NUP58: variants seen among roughly 807,000 people sequenced by gnomAD.
NUP58 encodes nucleoporin p58/p45.
NUP58 carries 17 observed loss-of-function variants against 70.1 expected under a neutral mutation model. The ratio of observed to expected loss-of-function variants is 0.24; its 90% CI spans 0.17 to 0.36. The LOEUF is 0.36. Among genes scored for constraint, NUP58 ranks in the 10% least tolerant of loss-of-function variants. The pLI, the probability that NUP58 is intolerant of heterozygous loss-of-function variation, is 1.00. For synonymous variants in NUP58, 275 were observed against 257.6 expected (o/e 1.07, Z -0.65); for missense variants, 644 against 701.5 (o/e 0.92, Z 0.93).
intron 1 of NUP58, among the ~76,000 whole-genome samples, chr13:25,305,479 G>A (rs2030301695): frequency 6.6e-6 from 1 of 152,042 alleles, no homozygotes; most frequent in Non-Finnish European, 1.5e-5. Flanking sequence ...CAAGATCTGT[G>A]TTTTAATTGT....
At chr13:25,323,323 T>G (rs2031261850) in intron 9 of NUP58, among the ~76,000 whole-genome samples, 1 of 151,888 alleles carries the variant, frequency 6.6e-6, no homozygotes, top group Non-Finnish European at 1.5e-5. Flanking sequence ...TGGCACACGT[T>G]TACCTATGTA....
At chr13:25,345,502 A>G (rs964979835), downstream of NUP58, among the ~76,000 whole-genome samples, 1 of 52,360 alleles carries the variant, frequency 1.9e-5, no homozygotes, top group Non-Finnish European at 8.1e-5. Flanking sequence ...TGTGCAGTCC[A>G]TCTTTGACCT....
rs1031506483 is a variant in NUP58, at chr13:25,340,364, A to T, written c.*230A>T. 18 of 411,534 alleles carry T rather than the reference A, an allele frequency of 4.4e-5. No homozygotes were observed. The highest frequency in any genetic ancestry group is 6.3e-5 in the African/African-American group (3 of 47,882). 25.5% of individuals were successfully genotyped at this position (411,534 alleles called of 1,614,324 possible). A position where few individuals can be genotyped will look rare whatever the true frequency, so the allele number is the denominator to read the frequency against. The stretch of plus-strand genomic sequence containing the variant: ...TTTTAATTTGATTCTCAGTGTAAGA[A>T]ATGTTCTGATTACATCACTGATTGG... On this transcript the variant is annotated 3_prime_UTR_variant, in exon 16 of 16. Transcript: ENST00000381736.
At chr13:25,344,916 A>G (rs2032030937), downstream of NUP58, among the ~76,000 whole-genome samples, 1 of 152,176 alleles carries the variant, frequency 6.6e-6, no homozygotes. Context: ...ACTTTGCCAC[A>G]CTTTTTGAAG....
chr13:25,341,156 A>G lies in NUP58; in HGVS notation c.*1022A>G, dbSNP rs965918068. ...AACTTTATTGCCCCTGATCTTTTCC[A>G]TTTTTGTTTCCACCTTAACCTATAG... On this transcript the variant is annotated 3_prime_UTR_variant, in exon 16 of 16. Transcript: ENST00000381736. 6.6e-6 allele frequency: 1 copy of G among 152,152 alleles called. No homozygotes were observed. The highest frequency in any genetic ancestry group is 1.5e-5 in the Non-Finnish European group (1 of 68,030). The allele number at this position is 152,152 out of a possible 1,614,324, so 9.4% of individuals were successfully genotyped here. A position where few individuals can be genotyped will look rare whatever the true frequency, so the allele number is the denominator to read the frequency against.
rs558296710 is a variant in NUP58, at chr13:25,338,661, A to T, written c.1560A>T (p.Gly520=). The T allele has an allele frequency of 6.2e-7, 1 of 1,613,718 alleles. No individual in the cohort carries two copies. Among genetic ancestry groups the T allele is most frequent in the East Asian group, 2.2e-5 (1 of 44,852 alleles). Residue 520 remains glycine, a synonymous_variant, in exon 15 of 16, where the codon GGA becomes GGT. Transcript: ENST00000381736. ...GATTTGGAACTAGCTCTGGTTTTGG[A>T]TGCAGCACCACAGGGGCCTCCACAT... is the stretch of plus-strand genomic sequence containing the variant. The part of the protein sequence containing the change: ...LGGFGTSSGF[G]CSTTGASTFG...
chr13:25,331,383 C>T lies in NUP58; in HGVS notation c.1260C>T (p.Tyr420=). ...VKVLKEQYLG[Y]RKMFLGDAVD... is the part of the protein sequence containing the mutation. Reference sequence around the variant, plus strand: ...TTCTGAAAGAACAGTACCTTGGCTACAGGAAAATGTTCTTGGGAGATGCTG... The same window carrying T: ...TTCTGAAAGAACAGTACCTTGGCTATAGGAAAATGTTCTTGGGAGATGCTG... The change falls in exon 13 of 16, where the codon TAC becomes TAT. Residue 420 remains tyrosine (Y), a synonymous_variant. Transcript: ENST00000381736. The T allele has an allele frequency of 1.2e-6, 2 of 1,614,088 alleles. No individual in the cohort carries two copies. The highest frequency in any genetic ancestry group is 1.7e-6 in the Non-Finnish European group (2 of 1,179,992).
At position 25,340,381 on chromosome 13, in the gene NUP58, A is replaced by G. The variant is rs2031918970; in HGVS notation, c.*247A>G. ...GTGTAAGAAATGTTCTGATTACATC[A>G]CTGATTGGTAATGGTTAGAAACCAT... On this transcript the variant is annotated 3_prime_UTR_variant, in exon 16 of 16. Transcript: ENST00000381736. The G allele has an allele frequency of 5.7e-6, 2 of 352,800 alleles. No homozygotes were observed. Among genetic ancestry groups the G allele is most frequent in the African/African-American group, 4.3e-5 (2 of 46,640 alleles). 21.9% of individuals were successfully genotyped at this position (352,800 alleles called of 1,614,324 possible).
At chr13:25,342,653 C>T (rs895490887), downstream of NUP58, among the ~76,000 whole-genome samples, 1 of 152,008 alleles carries the variant, frequency 6.6e-6, no homozygotes, top group African/African-American at 2.4e-5. Context: ...GGAAAAATCC[C>T]TTTGAACTTT....
In NUP58 at chr13:25,342,272, T is replaced by C. The variant is rs2031980819; in HGVS notation, c.*2138T>C. 6.6e-6 allele frequency: 1 copy of C among 152,636 alleles called. No homozygotes were observed. Among genetic ancestry groups the C allele is most frequent in the African/African-American group, 2.4e-5 (1 of 41,460 alleles). 9.5% of individuals were successfully genotyped at this position (152,636 alleles called of 1,614,324 possible). A position where few individuals can be genotyped will look rare whatever the true frequency, so the allele number is the denominator to read the frequency against. On this transcript the variant is annotated 3_prime_UTR_variant, in exon 16 of 16. Transcript: ENST00000381736. The stretch of plus-strand genomic sequence containing the variant: ...TTTCTTGTTTTTTTCTTTATATGTT[T>C]TGCATTTTAATATGTTGAGCCACTG...
At chr13:25,339,831 T>A in intron 15 of NUP58, 134 bp from the exon 16 acceptor site, 1 of 735,812 alleles carries the variant, frequency 1.4e-6, no homozygotes, top group South Asian at 2.3e-5. Flanking sequence ...TGTTAGAAAT[T>A]TAGGGCTTTA....
intron 12 of NUP58, among the ~76,000 whole-genome samples, chr13:25,327,920 G>A (rs1027005573): frequency 6.9e-6 from 1 of 145,480 alleles, no homozygotes; most frequent in Non-Finnish European, 1.5e-5. Flanking sequence ...GGCATTCTTA[G>A]TCAGGCACAG....
intron 13 of NUP58, chr13:25,332,823 T>C (rs2031657632): frequency 2.0e-6 from 2 of 985,288 alleles, no homozygotes; most frequent in Admixed American, 1.2e-4. Context: ...CATTATGGGA[T>C]TGATTCCTTT....
chr13:25,326,349 T>TTA (rs1555256089), intron 10 of NUP58, among the ~76,000 whole-genome samples: 3 of 151,996 alleles, frequency 2.0e-5, no homozygotes, highest in African/African-American at 7.2e-5. Flanking sequence ...TTTTTTTTTT[T>TTA]ATCTGTCTAG....
At chr13:25,322,748 A>G (rs1489509052) in intron 9 of NUP58, among the ~76,000 whole-genome samples, 2 of 152,146 alleles carry the variant, frequency 1.3e-5, no homozygotes, top group Non-Finnish European at 2.9e-5. Context: ...TCTGGTCCCA[A>G]GCTTTTTGAA....
chr13:25,321,229 CAT>C, intron 9 of NUP58, 136 bp downstream of exon 9: 1 of 681,858 alleles, frequency 1.5e-6, no homozygotes, highest in South Asian at 2.1e-5. Context: ...CCAGATAACT[CAT>C]ATACTTTAAT....
At chr13:25,328,751 A>G (rs772260719) in intron 12 of NUP58, among the ~76,000 whole-genome samples, 183 of 152,288 alleles carry the variant, frequency 1.2e-3, no homozygotes, top group Non-Finnish European at 2.2e-3. Flanking sequence ...TTTAAGTGAA[A>G]TGTTCAAGGT....
At position 25,321,088 on chromosome 13, in the gene NUP58, G is replaced by A; in HGVS notation, c.946G>A (p.Ala316Thr). 6.3e-7 allele frequency: 1 copy of A among 1,583,182 alleles called. No individual in the cohort carries two copies. The highest frequency in any genetic ancestry group is 1.2e-5 in the South Asian group (1 of 84,146). ...CATTGACAAATTGAAAATAGAAACTGCTCAGGTATACCAACTTATGGCCAT... is the reference window on the plus strand; with the variant it reads ...CATTGACAAATTGAAAATAGAAACTACTCAGGTATACCAACTTATGGCCAT... The part of the protein sequence containing the change: ...LNIDKLKIET[A>T]QELKNAEIAL... The change falls in exon 9 of 16, where the codon GCT (alanine) becomes ACT (threonine). Residue 316 changes from alanine to threonine, a missense_variant. Ala to Thr is a moderately conservative substitution (Grantham distance 58, BLOSUM62 0). This residue lies in a region of NUP58 where 430 missense variants were observed against 409.2 expected (regional missense o/e 1.05). Transcript: ENST00000381736.
At chr13:25,343,564 C>T (rs1290107527), downstream of NUP58, among the ~76,000 whole-genome samples, 6 of 150,770 alleles carry the variant, frequency 4.0e-5, no homozygotes, top group Non-Finnish European at 7.4e-5. Flanking sequence ...GCAGTTCTCC[C>T]TCAGCCTCTG....
Sources: allele counts gnomAD v4.1 joint callset (sites outside exome capture counted in the v4.1 genomes callset), GRCh38; gene constraint gnomAD v4.1.1; regional missense constraint gnomAD v4.1.1; transcripts MANE v1.5; gene names NCBI Gene and HGNC (gene_info 2026-07-23, HGNC 2026-07-21).